The following C10orf71 variants were observed in gnomAD, a reference collection of about 807,000 sequenced individuals.
C10orf71 encodes cardiac-enriched FHL2-interacting protein.
For missense variants in C10orf71, 1,869 were observed against 1,804.5 expected (o/e 1.04, Z -0.65); for synonymous variants, 758 against 726.3 (o/e 1.04, Z -0.70).
chr10:49,305,232 G>A (rs1848792589), intron 1 of C10orf71, among the ~76,000 whole-genome samples: 1 of 152,226 alleles, frequency 6.6e-6, no homozygotes, highest in South Asian at 2.1e-4. Context: ...AGGGGCAGGT[G>A]GGTCCCCAAA....
At chr10:49,310,308 T>A (rs1848888858) in intron 1 of C10orf71, among the ~76,000 whole-genome samples, 2 of 152,108 alleles carry the variant, frequency 1.3e-5, no homozygotes, top group Admixed American at 1.3e-4. Flanking sequence ...GAAACCCTCG[T>A]TTTCTCCCCC....
intron 1 of C10orf71, among the ~76,000 whole-genome samples, chr10:49,307,522 G>A (rs1344634668): frequency 2.0e-5 from 3 of 152,210 alleles, no homozygotes; most frequent in South Asian, 2.1e-4. Context: ...CTGACAGCTC[G>A]CAGGTTAGCC....
Position 49,324,207 on chromosome 10 carries a change from T to C in C10orf71, c.1662T>C (p.Asn554=). ...LPNGLEESPP[N]ELSKERPADD... Reference sequence around the variant, plus strand: ...ATGGGCTTGAGGAAAGCCCTCCAAATGAGCTTTCTAAGGAGAGACCCGCTG... The same window carrying C: ...ATGGGCTTGAGGAAAGCCCTCCAAACGAGCTTTCTAAGGAGAGACCCGCTG... The change falls in exon 3 of 3, where the codon AAT becomes AAC. Residue 554 remains asparagine (N), a synonymous_variant. Transcript: ENST00000374144. The C allele has an allele frequency of 1.2e-6, 2 of 1,613,722 alleles. No homozygotes were observed. Among genetic ancestry groups the C allele is most frequent in the Non-Finnish European group, 8.5e-7 (1 of 1,179,766 alleles).
rs1849145630 is a variant in C10orf71, at chr10:49,323,594, G to A, written c.1049G>A (p.Gly350Glu). 1.2e-6 allele frequency: 2 copies of A among 1,601,594 alleles called. No individual in the cohort carries two copies. Among genetic ancestry groups the A allele is most frequent in the African/African-American group, 1.3e-5 (1 of 74,242 alleles). ...AGALSTSIPW[G>E]CRDPGAQVFA... Reference sequence around the variant, plus strand: ...GCTCTGTCCACATCTATACCCTGGGGGTGCAGGGATCCAGGAGCCCAGGTA... The same window carrying A: ...GCTCTGTCCACATCTATACCCTGGGAGTGCAGGGATCCAGGAGCCCAGGTA... Residue 350 changes from glycine to glutamate, a missense_variant, in exon 3 of 3, where the codon GGG becomes GAG. Physicochemically the swap from Gly to Glu is moderately conservative, Grantham distance 98. Transcript: ENST00000374144.
In C10orf71 at chr10:49,307,957, C is replaced by T. The variant is rs571243687; in HGVS notation, c.-247-8188C>T. ...AGCCCGGCCTTCCCTGTGCCTTGTT[C>T]CCTGGCCTCAACTGTAGGCACAGCC... On this transcript the variant is annotated intron_variant, in intron 1 of 2. Coordinates refer to ENST00000374144, the MANE Select transcript of C10orf71 (RefSeq NM_001135196.2). Among the ~76,000 whole-genome samples the T allele has an allele frequency of 1.1e-3, 167 of 152,322 alleles. 1 individual carries two copies. Among genetic ancestry groups the T allele is most frequent in the African/African-American group, 3.9e-3 (164 of 41,572 alleles).
Position 49,326,373 on chromosome 10 carries a change from C to A in C10orf71, c.3828C>A (p.Val1276=), listed in dbSNP as rs1168123730. The A allele has an allele frequency of 3.2e-6, 5 of 1,550,442 alleles. No individual in the cohort carries two copies. In the African/African-American group the frequency reaches 6.8e-5, roughly 21 times the overall value. Residue 1276 remains valine, a synonymous_variant, in exon 3 of 3, where the codon GTC becomes GTA. Coordinates refer to ENST00000374144, the MANE Select transcript of C10orf71 (RefSeq NM_001135196.2). ...CCGCGTACCCCGCCACCCAGAAGGT[C>A]CTCCAGGATCCGCAGTCCGGGGAGT... ...PLPAYPATQK[V]LQDPQSGEYF... is the part of the protein sequence containing the mutation.
rs906848852 is a variant in C10orf71 at position 49,326,264 on chromosome 10, C to A, written c.3719C>A (p.Pro1240His). The A allele has an allele frequency of 1.3e-6, 2 of 1,549,972 alleles. No homozygotes were observed. The highest frequency in any genetic ancestry group is 1.7e-6 in the Non-Finnish European group (2 of 1,146,488). Residue 1240 changes from proline to histidine, a missense_variant, in exon 3 of 3, where the codon CCT becomes CAT. Coordinates refer to ENST00000374144, the MANE Select transcript of C10orf71 (RefSeq NM_001135196.2). Reference sequence around the variant, plus strand: ...TTCCCCGTGGTCCGTTCCCTGCCCCCTCCCGTGCACCGCCACTCCGTGTCC... The same window carrying A: ...TTCCCCGTGGTCCGTTCCCTGCCCCATCCCGTGCACCGCCACTCCGTGTCC... The part of the protein sequence containing the change: ...HNFPVVRSLP[P>H]PVHRHSVSGF...
chr10:49,310,776 A>AGAT (rs10661682), intron 1 of C10orf71, among the ~76,000 whole-genome samples: 140,957 of 148,862 alleles, frequency 0.95, 67,152 homozygotes, highest in Non-Finnish European at 1. Flanking sequence ...TCAGGTAGCC[A>AGAT]GATGATGATG....
rs1848742442 is a variant in C10orf71, at chr10:49,302,306, C to T, written c.-248+3073C>T. On this transcript the variant is annotated intron_variant, in intron 1 of 2. Transcript: ENST00000374144. Reference sequence around the variant, plus strand: ...CCCGGGTTGCCAAGCCACAGTAGCACCACCAGCTCATCCTCTCACCTGGCT... The same window carrying T: ...CCCGGGTTGCCAAGCCACAGTAGCATCACCAGCTCATCCTCTCACCTGGCT... 2.6e-5 allele frequency among the ~76,000 whole-genome samples: 4 copies of T among 152,330 alleles called. No individual in the cohort carries two copies. In the South Asian group the frequency reaches 8.3e-4, roughly 32 times the overall value.
intron 2 of C10orf71, among the ~76,000 whole-genome samples, chr10:49,318,997 G>T (rs918327990): frequency 6.6e-6 from 1 of 152,210 alleles, no homozygotes; most frequent in African/African-American, 2.4e-5. Context: ...GGCCAGCCAA[G>T]CAAGGAGGGG....
intron 2 of C10orf71, among the ~76,000 whole-genome samples, chr10:49,319,733 T>TATAC (rs1491522089): frequency 2.4e-5 from 2 of 84,988 alleles, no homozygotes; most frequent in African/African-American, 4.2e-5. Flanking sequence ...TATATATATA[T>TATAC]ACACATACAT....
Position 49,325,733 on chromosome 10 carries a change from G to C in C10orf71, c.3188G>C (p.Gly1063Ala). The change falls in exon 3 of 3, where the codon GGG becomes GCG. Residue 1063 changes from glycine to alanine, a missense_variant. Physicochemically the swap from Gly to Ala is moderately conservative, Grantham distance 60. Transcript: ENST00000374144. ...AATTCCCCCAACCCCGGCTCCCCCG[G>C]GGAGAGCAGTGCCTGCTCCCCTGCT... The part of the protein sequence containing the change: ...RANSPNPGSP[G>A]ESSACSPAAS... The C allele has an allele frequency of 6.4e-7, 1 of 1,551,510 alleles. No individual in the cohort carries two copies. Among genetic ancestry groups the C allele is most frequent in the Non-Finnish European group, 8.7e-7 (1 of 1,146,882 alleles).
Position 49,323,685 on chromosome 10 carries a change from A to G in C10orf71, c.1140A>G (p.Pro380=). The change falls in exon 3 of 3, where the codon CCA becomes CCG. Residue 380 remains proline (P), a synonymous_variant. Coordinates refer to ENST00000374144, the MANE Select transcript of C10orf71 (RefSeq NM_001135196.2). Reference sequence around the variant, plus strand: ...CTCAAGAGAAGCCAGCCCAGCCCCCATGGAGGAAGCCAAAGACTGGCAAAA... The same window carrying G: ...CTCAAGAGAAGCCAGCCCAGCCCCCGTGGAGGAAGCCAAAGACTGGCAAAA... ...PDSQEKPAQP[P]WRKPKTGKKG... is the part of the protein sequence containing the mutation. The G allele has an allele frequency of 6.2e-7, 1 of 1,613,862 alleles. No homozygotes were observed. The highest frequency in any genetic ancestry group is 8.5e-7 in the Non-Finnish European group (1 of 1,179,866).
chr10:49,325,363 C>T lies in C10orf71; in HGVS notation c.2818C>T (p.Gln940Ter), dbSNP rs1397402664. 6.4e-7 allele frequency: 1 copy of T among 1,551,598 alleles called. No homozygotes were observed. Among genetic ancestry groups the T allele is most frequent in the Non-Finnish European group, 8.7e-7 (1 of 1,147,010 alleles). The change falls in exon 3 of 3, where the codon CAG (glutamine) becomes TAG (stop). Residue 940 changes from glutamine (Q) to a stop codon, truncating the protein, a stop_gained. Transcript: ENST00000374144. LOFTEE classifies it low-confidence loss of function (END_TRUNC). ...MANEVMEDPG[Q>*]GSSMARMEAS... The stretch of plus-strand genomic sequence containing the variant: ...CAACGAGGTCATGGAGGACCCTGGG[C>T]AGGGGTCGAGCATGGCCAGGATGGA...
chr10:49,319,522 A>G (rs1159405098), intron 2 of C10orf71, among the ~76,000 whole-genome samples: 1 of 152,050 alleles, frequency 6.6e-6, no homozygotes, highest in Non-Finnish European at 1.5e-5. Context: ...CTGGGGTTAT[A>G]CCCAAAAGAA....
intron 1 of C10orf71, among the ~76,000 whole-genome samples, chr10:49,311,917 G>A (rs531770993): frequency 2.6e-5 from 4 of 152,284 alleles, no homozygotes; most frequent in East Asian, 3.9e-4. Context: ...AATTGTATCC[G>A]CAAAAAGCAG....
rs1402945169 is a variant in C10orf71 at position 49,323,244 on chromosome 10, C to T, written c.699C>T (p.Ser233=). 1.9e-6 allele frequency: 3 copies of T among 1,613,694 alleles called. No homozygotes were observed. In the African/African-American group the frequency reaches 4.0e-5, roughly 22 times the overall value. Reference sequence around the variant, plus strand: ...CAGAAATGGCCTGTCACGGCTCCAGCAGCTTCCTCCCAGCAGCCAATGACA... The same window carrying T: ...CAGAAATGGCCTGTCACGGCTCCAGTAGCTTCCTCCCAGCAGCCAATGACA... ...KNPEMACHGS[S]SFLPAANDTA... is the part of the protein sequence containing the mutation. Residue 233 remains serine, a synonymous_variant, in exon 3 of 3, where the codon AGC becomes AGT. Coordinates refer to ENST00000374144, the MANE Select transcript of C10orf71 (RefSeq NM_001135196.2).
intron 2 of C10orf71, among the ~76,000 whole-genome samples, chr10:49,319,911 T>A (rs1326952527): frequency 6.6e-6 from 1 of 152,026 alleles, no homozygotes; most frequent in Non-Finnish European, 1.5e-5. Flanking sequence ...ACTGTATGAT[T>A]GCACTTTTAT....
intron 2 of C10orf71, among the ~76,000 whole-genome samples, chr10:49,319,109 T>A (rs980391830): frequency 6.6e-6 from 1 of 152,230 alleles, no homozygotes; most frequent in Non-Finnish European, 1.5e-5. Flanking sequence ...ATGTCCACTC[T>A]TCCAGACACC....
Sources: allele counts gnomAD v4.1 joint callset (sites outside exome capture counted in the v4.1 genomes callset), GRCh38; gene constraint gnomAD v4.1.1; transcripts MANE v1.5; gene names NCBI Gene and HGNC (gene_info 2026-07-23, HGNC 2026-07-21).